Variants in RABL3 observed in about 807,000 individuals in gnomAD.
RABL3 encodes the protein RAB, member of RAS oncogene family like 3.
RABL3 carries 31 observed loss-of-function variants against 31.8 expected under a neutral mutation model. The ratio of observed to expected loss-of-function variants is 0.97; its 90% CI spans 0.73 to 1.31. The LOEUF is 1.31. Ranked by LOEUF, RABL3 falls within the 40% of genes most tolerant of loss-of-function variation. The probability of loss-of-function intolerance (pLI) is 0.00; values close to 1 mark genes in which losing one functional copy is unlikely to be tolerated. For missense variants in RABL3, 263 were observed against 279.6 expected (o/e 0.94, Z 0.42); for synonymous variants, 97 against 99.9 (o/e 0.97, Z 0.18).
At position 120,685,692 on chromosome 3, in the gene RABL3, C is replaced by G. The variant is rs150430751; in HGVS notation, c.*4131G>C. 4.4e-3 allele frequency among the ~76,000 whole-genome samples: 670 copies of G among 152,262 alleles called. 7 individuals carry two copies. Among genetic ancestry groups the G allele is most frequent in the African/African-American group, 0.015 (619 of 41,550 alleles). ...GATCAGGTTGAGGCAGTCAAAGATG[C>G]GCTTTGATGAATTCTGCTATAATGG... On this transcript the variant is annotated 3_prime_UTR_variant, in exon 8 of 8. Coordinates refer to ENST00000273375, the MANE Select transcript of RABL3 (RefSeq NM_173825.5).
At chr3:120,714,762 C>T (rs1181804892) in intron 2 of RABL3, among the ~76,000 whole-genome samples, 3 of 152,028 alleles carry the variant, frequency 2.0e-5, no homozygotes, top group Non-Finnish European at 2.9e-5. Context: ...AAAATCAATC[C>T]CTCTTTCATG....
chr3:120,717,160 G>A (rs544049041), intron 2 of RABL3, among the ~76,000 whole-genome samples: 5 of 152,056 alleles, frequency 3.3e-5, no homozygotes, highest in Admixed American at 2.6e-4. Flanking sequence ...GGAGGCTGAG[G>A]CAGGAGAATC....
At chr3:120,725,367 A>T (rs1487220768) in intron 2 of RABL3, among the ~76,000 whole-genome samples, 1 of 152,230 alleles carries the variant, frequency 6.6e-6, no homozygotes, top group Non-Finnish European at 1.5e-5. Flanking sequence ...AACTAGTTCA[A>T]CCATTGTGGA....
At position 120,685,746 on chromosome 3, in the gene RABL3, A is replaced by G. The variant is rs545288035; in HGVS notation, c.*4077T>C. 6.6e-5 allele frequency among the ~76,000 whole-genome samples: 10 copies of G among 152,328 alleles called. No individual in the cohort carries two copies. Among genetic ancestry groups the G allele is most frequent in the East Asian group, 1.9e-4 (1 of 5,190 alleles). On this transcript the variant is annotated 3_prime_UTR_variant, in exon 8 of 8. Coordinates refer to ENST00000273375, the MANE Select transcript of RABL3 (RefSeq NM_173825.5). ...TCATAAAGTACAGAGTTCACAATCT[A>G]TATTCCCTACTTTTTGATGAGTTTA...
At chr3:120,690,152 T>C (rs992632310) in intron 7 of RABL3, among the ~76,000 whole-genome samples, 3 of 152,216 alleles carry the variant, frequency 2.0e-5, no homozygotes, top group Admixed American at 6.5e-5. Flanking sequence ...ACTAGACTTT[T>C]ATAGAAATTA....
chr3:120,731,494 C>G (rs1708882374), intron 1 of RABL3, among the ~76,000 whole-genome samples: 1 of 152,092 alleles, frequency 6.6e-6, no homozygotes, highest in Non-Finnish European at 1.5e-5. Context: ...TTCTTAGGCT[C>G]AGGGAAATCT....
intron 4 of RABL3, among the ~76,000 whole-genome samples, chr3:120,699,339 G>T (rs868201619): frequency 3.7e-4 from 56 of 152,276 alleles, no homozygotes; most frequent in Middle Eastern, 3.4e-3. Context: ...AGTGGCCTTG[G>T]ATCACTGGCT....
At chr3:120,707,685 G>A (rs1708564661) in intron 3 of RABL3, among the ~76,000 whole-genome samples, 1 of 152,106 alleles carries the variant, frequency 6.6e-6, no homozygotes, top group East Asian at 1.9e-4. Flanking sequence ...TATAAATATG[G>A]CAAAACTATG....
At chr3:120,726,257 C>T (rs1708819815) in intron 2 of RABL3, among the ~76,000 whole-genome samples, 1 of 152,020 alleles carries the variant, frequency 6.6e-6, no homozygotes, top group Admixed American at 6.6e-5. Flanking sequence ...ACATATAAGC[C>T]TTTTGATTTC....
intron 1 of RABL3, among the ~76,000 whole-genome samples, chr3:120,735,621 T>C (rs921346772): frequency 6.6e-6 from 1 of 152,172 alleles, no homozygotes; most frequent in Non-Finnish European, 1.5e-5. Context: ...TCTCTAGTTC[T>C]TTTAATTGTG....
chr3:120,720,370 G>A (rs1204007974), intron 2 of RABL3, among the ~76,000 whole-genome samples: 1 of 152,194 alleles, frequency 6.6e-6, no homozygotes, highest in African/African-American at 2.4e-5. Context: ...GAAGGCTTCA[G>A]ACGATCAAAC....
intron 2 of RABL3, among the ~76,000 whole-genome samples, chr3:120,724,055 G>A (rs1343397708): frequency 2.0e-5 from 3 of 152,140 alleles, no homozygotes; most frequent in African/African-American, 4.8e-5. Flanking sequence ...AAACCCCATC[G>A]TCTCAGCCCA....
chr3:120,706,318 A>G (rs1419573598), intron 3 of RABL3, among the ~76,000 whole-genome samples: 7 of 152,156 alleles, frequency 4.6e-5, no homozygotes, highest in African/African-American at 7.2e-5. Context: ...TGTCAGTTTT[A>G]TAACTCTTTA....
Position 120,738,052 on chromosome 3 carries a change from G to A in RABL3, c.46+4410C>T, listed in dbSNP as rs559332558. 5.6e-4 allele frequency among the ~76,000 whole-genome samples: 85 copies of A among 152,282 alleles called. No homozygotes were observed. The Middle Eastern group carries it at 0.01, about 18-fold the overall frequency. On this transcript the variant is annotated intron_variant, in intron 1 of 7. Coordinates refer to ENST00000273375, the MANE Select transcript of RABL3 (RefSeq NM_173825.5). ...ACCACTACTCACTTCAAAGCTGTCC[G>A]ACAGGGACATTTAAGTCTGCAGAGG...
At chr3:120,719,852 T>C in intron 2 of RABL3, among the ~76,000 whole-genome samples, 1 of 151,858 alleles carries the variant, frequency 6.6e-6, no homozygotes, top group South Asian at 2.1e-4. Flanking sequence ...TCTCCCAGCA[T>C]GCAGCTTGAG....
At chr3:120,736,873 T>C (rs1221525044) in intron 1 of RABL3, among the ~76,000 whole-genome samples, 1 of 152,232 alleles carries the variant, frequency 6.6e-6, no homozygotes, top group African/African-American at 2.4e-5. Flanking sequence ...CACTCTCTTC[T>C]GGTTTGTAGA....
At chr3:120,696,592 A>AACACACACACACAC (rs3037698) in intron 5 of RABL3, among the ~76,000 whole-genome samples, 1 of 147,466 alleles carries the variant, frequency 6.8e-6, no homozygotes, top group African/African-American at 2.5e-5. Flanking sequence ...AAGTAGGAAT[A>AACACACACACACAC]ACACACACAC....
rs185280939 is a variant in RABL3, at chr3:120,701,852, T to C, written c.384-3279A>G. On this transcript the variant is annotated intron_variant, in intron 4 of 7. Coordinates refer to ENST00000273375, the MANE Select transcript of RABL3 (RefSeq NM_173825.5). Reference sequence around the variant, plus strand: ...CAGAATAAGCAAACTCTATCCTGTCTTTCCCAGTGAATGCAACTATAAAAC... The same window carrying C: ...CAGAATAAGCAAACTCTATCCTGTCCTTCCCAGTGAATGCAACTATAAAAC... Among the ~76,000 whole-genome samples, 255 of 152,322 alleles carry C rather than the reference T, an allele frequency of 1.7e-3. 1 individual carries two copies. The highest frequency in any genetic ancestry group is 5.9e-3 in the African/African-American group (244 of 41,570).
rs201857708 is a variant in RABL3, at chr3:120,700,894, TA to T, written c.384-2322del. ...TTTAAAATTTTCTATAATAAAAAGT[TA>T]AAAAAAGTTATTGTGGTAAAAACTA... On this transcript the variant is annotated intron_variant, in intron 4 of 7. Transcript: ENST00000273375. Among the ~76,000 whole-genome samples, 43 of 152,132 alleles carry T rather than the reference TA, an allele frequency of 2.8e-4. No homozygotes were observed. The East Asian group carries it at 3.9e-3, about 14-fold the overall frequency.
Sources: allele counts gnomAD v4.1 joint callset (sites outside exome capture counted in the v4.1 genomes callset), GRCh38; gene constraint gnomAD v4.1.1; transcripts MANE v1.5; gene names NCBI Gene and HGNC (gene_info 2026-07-23, HGNC 2026-07-21).